LNX2: variants seen among roughly 807,000 people sequenced by gnomAD.
The protein encoded by LNX2 is ligand of Numb protein X 2.
LNX2 carries 35 observed loss-of-function variants against 66.2 expected under a neutral mutation model. The ratio of observed to expected loss-of-function variants is 0.53; its 90% CI spans 0.40 to 0.70. The LOEUF is 0.70. LNX2 is among the 30% of genes least tolerant of loss of function. The pLI is 0.00. For synonymous variants in LNX2, 337 were observed against 315.6 expected (o/e 1.07, Z -0.72); for missense variants, 791 against 850.8 (o/e 0.93, Z 0.87).
At position 27,567,768 on chromosome 13, in the gene LNX2, T is replaced by C. The variant is rs751212740; in HGVS notation, c.727A>G (p.Ile243Val). 3 of 1,613,824 alleles carry C rather than the reference T, an allele frequency of 1.9e-6. No homozygotes were observed. Among genetic ancestry groups the C allele is most frequent in the African/African-American group, 1.3e-5 (1 of 75,034 alleles). Residue 243 changes from isoleucine (I) to valine (V), a missense_variant, in exon 4 of 10, where the codon ATT becomes GTT. Ile to Val is a conservative substitution (Grantham distance 29). Coordinates refer to ENST00000316334, the MANE Select transcript of LNX2 (RefSeq NM_153371.4). Reference protein sequence around the residue: ...TIEIHRSNPYIQLGISIVGGN... With the variant: ...TIEIHRSNPYVQLGISIVGGN... The stretch of plus-strand genomic sequence containing the variant: ...CCCACAATGCTGATTCCTAACTGAA[T>C]GTAAGGATTGGACCGATGAATTTCA...
chr13:27,587,716 T>C (rs1305108751), intron 1 of LNX2, among the ~76,000 whole-genome samples: 1 of 152,202 alleles, frequency 6.6e-6, no homozygotes, highest in Non-Finnish European at 1.5e-5. Context: ...CTTTGATAGC[T>C]GCTTCTGTAT....
In LNX2 at chr13:27,547,325, C is replaced by A. The variant is rs1341759413; in HGVS notation, c.*1010G>T. The A allele has an allele frequency of 1.3e-5, 2 of 152,130 alleles. No homozygotes were observed. Among genetic ancestry groups the A allele is most frequent in the African/African-American group, 4.8e-5 (2 of 41,434 alleles). 9.4% of individuals were successfully genotyped at this position (152,130 alleles called of 1,614,324 possible). On this transcript the variant is annotated 3_prime_UTR_variant, in exon 10 of 10. Transcript: ENST00000316334. ...AGATTTTTAATGCTTTTGGGCTGTT[C>A]AAGTAAGTGCAGCTTTACCATCTCT...
intron 8 of LNX2, among the ~76,000 whole-genome samples, chr13:27,551,707 T>G (rs969847558): frequency 1.3e-5 from 2 of 152,192 alleles, no homozygotes. Context: ...ATGCCAGAAC[T>G]TCTCATCTTA....
chr13:27,618,078 A>C (rs1428864042), intron 1 of LNX2, among the ~76,000 whole-genome samples: 1 of 152,216 alleles, frequency 6.6e-6, no homozygotes, highest in Non-Finnish European at 1.5e-5. Flanking sequence ...AAGTAATAGA[A>C]TTAGAATTTG....
chr13:27,562,895 G>A, intron 4 of LNX2, 114 bp from the exon 5 acceptor site: 1 of 1,018,436 alleles, frequency 9.8e-7, no homozygotes, highest in South Asian at 1.6e-5. Context: ...GCTAAGTATG[G>A]TGAGAATGCT....
intron 3 of LNX2, among the ~76,000 whole-genome samples, chr13:27,568,588 C>A (rs1354154424): frequency 6.6e-6 from 1 of 151,806 alleles, no homozygotes; most frequent in Admixed American, 6.6e-5. Context: ...AAAACAAAAA[C>A]CCAAACTTAA....
rs1566119181 is a variant in LNX2, at chr13:27,567,678, T to C, written c.817A>G (p.Arg273Gly). ...TCTCCAGCAAGAAGTCTCCCGTCTC[T>C]GGCAATGACCCCATCCCGATAGACC... ...QEVYRDGVIA[R>G]DGRLLAGDQI... Residue 273 changes from arginine to glycine, a missense_variant, in exon 4 of 10, where the codon AGA becomes GGA. By Grantham distance (125) the Arg-to-Gly change is moderately radical. Coordinates refer to ENST00000316334, the MANE Select transcript of LNX2 (RefSeq NM_153371.4). 6.2e-7 allele frequency: 1 copy of C among 1,614,092 alleles called. No individual in the cohort carries two copies. The highest frequency in any genetic ancestry group is 8.5e-7 in the Non-Finnish European group (1 of 1,179,968).
rs552063963 is a variant in LNX2, at chr13:27,573,153, T to C, written c.408-3877A>G. ...GGCATTTGAGTTTACCCTATTTCCATCCTCACCTCCCCAGAATATTGGAAA... is the reference window on the plus strand; with the variant it reads ...GGCATTTGAGTTTACCCTATTTCCACCCTCACCTCCCCAGAATATTGGAAA... On this transcript the variant is annotated intron_variant, in intron 2 of 9. Coordinates refer to ENST00000316334, the MANE Select transcript of LNX2 (RefSeq NM_153371.4). Among the ~76,000 whole-genome samples, 97 of 152,118 alleles carry C rather than the reference T, an allele frequency of 6.4e-4. 2 individuals are homozygous for C. Among genetic ancestry groups the C allele is most frequent in the African/African-American group, 2.3e-3 (94 of 41,502 alleles).
rs1275480101 is a variant in LNX2, at chr13:27,581,341, T to C, written c.363A>G (p.Lys121=). 9 of 1,552,190 alleles carry C rather than the reference T, an allele frequency of 5.8e-6. No individual in the cohort carries two copies. Among genetic ancestry groups the C allele is most frequent in the Middle Eastern group, 1.7e-4 (1 of 5,822 alleles). ...LVLCPFSSVC[K]DVMQRCDLEA... The stretch of plus-strand genomic sequence containing the variant: ...CCAGATCACAACGTTGCATTACATC[T>C]TTGCACACTGAAGAAAATGGACATA... The change falls in exon 2 of 10, where the codon AAA becomes AAG. Residue 121 remains lysine, a synonymous_variant. Coordinates refer to ENST00000316334, the MANE Select transcript of LNX2 (RefSeq NM_153371.4).
chr13:27,608,146 A>G (rs901387594), intron 1 of LNX2, among the ~76,000 whole-genome samples: 7 of 152,214 alleles, frequency 4.6e-5, no homozygotes, highest in Admixed American at 3.9e-4. Flanking sequence ...AAGAAGACAT[A>G]TATGTATTCA....
intron 7 of LNX2, 21 bp downstream of exon 7, chr13:27,556,215 T>A (rs1283287556): frequency 6.2e-7 from 1 of 1,600,834 alleles, no homozygotes; most frequent in Non-Finnish European, 8.5e-7. Context: ...TGTGGTAAAA[T>A]TTTTCAAGAT....
At chr13:27,583,211 T>C (rs370631714) in intron 1 of LNX2, among the ~76,000 whole-genome samples, 4,575 of 23,272 alleles carry the variant, frequency 0.2, 495 homozygotes, top group African/African-American at 0.33. Flanking sequence ...TGTGTGTGTG[T>C]GTGTGTGTGT....
At chr13:27,557,456 T>C (rs569818942) in intron 6 of LNX2, among the ~76,000 whole-genome samples, 1 of 152,090 alleles carries the variant, frequency 6.6e-6, no homozygotes, top group Non-Finnish European at 1.5e-5. Context: ...ATATTGTATA[T>C]ATGCACCTAC....
intron 2 of LNX2, among the ~76,000 whole-genome samples, chr13:27,575,868 C>T (rs1003247183): frequency 1.3e-5 from 2 of 151,444 alleles, no homozygotes; most frequent in East Asian, 1.9e-4. Flanking sequence ...AGAAATGACA[C>T]GGGAATTAAA....
chr13:27,583,253 T>TGCGCGCGCGC (rs1566124862), intron 1 of LNX2, among the ~76,000 whole-genome samples: 4 of 46,924 alleles, frequency 8.5e-5, no homozygotes, highest in African/African-American at 1.2e-4. Context: ...TGTGTGTGTG[T>TGCGCGCGCGC]GTGCGCGCGT....
intron 3 of LNX2, 76 bp downstream of exon 3, chr13:27,568,953 A>C: frequency 7.0e-7 from 1 of 1,427,354 alleles, no homozygotes; most frequent in Non-Finnish European, 9.3e-7. Context: ...TTAAAGATGA[A>C]AAAAGTACAT....
intron 1 of LNX2, among the ~76,000 whole-genome samples, chr13:27,583,193 T>TGCGCGCGC (rs1955423853): frequency 2.4e-4 from 3 of 12,624 alleles, no homozygotes; most frequent in Non-Finnish European, 4.3e-4. Flanking sequence ...TGTGTGTGTG[T>TGCGCGCGC]GTGTGTGTGT....
chr13:27,578,863 T>C (rs543330098), intron 2 of LNX2, among the ~76,000 whole-genome samples: 49 of 152,356 alleles, frequency 3.2e-4, no homozygotes, highest in Non-Finnish European at 6.5e-4. Context: ...AAGCCATCCC[T>C]GTTTCATCCT....
intron 3 of LNX2, 137 bp downstream of exon 3, chr13:27,568,892 C>G (rs1955239647): frequency 2.0e-5 from 18 of 888,990 alleles, no homozygotes; most frequent in Non-Finnish European, 2.9e-5. Context: ...TAAATTATAT[C>G]TCAATGAAGT....
Sources: allele counts gnomAD v4.1 joint callset (sites outside exome capture counted in the v4.1 genomes callset), GRCh38; gene constraint gnomAD v4.1.1; transcripts MANE v1.5; gene names NCBI Gene and HGNC (gene_info 2026-07-23, HGNC 2026-07-21).